MYO5B: variants seen among roughly 807,000 people sequenced by gnomAD.
The protein encoded by MYO5B is myosin VB, also known as unconventional myosin-Vb.
In MYO5B, 143 loss-of-function variants were observed where a neutral mutation model predicts 229.3. The observed-to-expected ratio is 0.62, with a 90% CI of 0.54 to 0.72. The LOEUF (loss-of-function observed/expected upper bound fraction) is 0.72. Ranked by LOEUF, MYO5B falls within the 30% of genes least tolerant of loss-of-function variation. The probability of loss-of-function intolerance (pLI) is 0.00; values close to 1 mark genes in which losing one functional copy is unlikely to be tolerated. For missense variants in MYO5B, 2,321 were observed against 2,331.0 expected (o/e 1.00, Z 0.09); for synonymous variants, 918 against 885.2 (o/e 1.04, Z -0.66).
chr18:50,038,237 A>ACTTTCCAGCCACTTTCCAGTCACTTTCC (rs2029898636), intron 3 of MYO5B, among the ~76,000 whole-genome samples: 1 of 152,204 alleles, frequency 6.6e-6, no homozygotes, highest in Non-Finnish European at 1.5e-5. Context: ...CAAAAACCAG[A>ACTTTCCAGCCACTTTCCAGTCACTTTCC]AGCCTTTCCA....
intron 27 of MYO5B, 118 bp downstream of exon 27, chr18:49,872,049 C>T: frequency 2.1e-6 from 2 of 955,976 alleles, no homozygotes; most frequent in Non-Finnish European, 3.4e-6. Flanking sequence ...AAGCTACCTG[C>T]TTACTGCTCT....
At chr18:50,001,054 C>T (rs2026041285) in intron 5 of MYO5B, among the ~76,000 whole-genome samples, 1 of 137,744 alleles carries the variant, frequency 7.3e-6, no homozygotes, top group Admixed American at 7.3e-5. Context: ...TGAGGACACT[C>T]TACCCAGTAC....
In MYO5B at chr18:49,895,025, G is replaced by T. The variant is rs1598864018; in HGVS notation, c.2961C>A (p.Ser987Arg). The part of the protein sequence containing the change: ...TSLRLQEEVE[S>R]LRTELQRAHS... ...GGGCCCTCTGCAGCTCTGTGCGCAG[G>T]CTCTCCACCTCCTCCTGCAGCCTGA... Residue 987 changes from serine to arginine, a missense_variant, in exon 22 of 40, where the codon AGC (serine) becomes AGA (arginine). Coordinates refer to ENST00000285039, the MANE Select transcript of MYO5B (RefSeq NM_001080467.3). 6.2e-7 allele frequency: 1 copy of T among 1,613,936 alleles called. No homozygotes were observed. The highest frequency in any genetic ancestry group is 1.3e-5 in the African/African-American group (1 of 75,040).
Position 50,083,568 on chromosome 18 carries a change from T to A in MYO5B, c.28-28190A>T, listed in dbSNP as rs537719374. ...ACAAAGACCCAAATATACACATTTGTCACAGGCATGCATGCTGCATGTGAC... is the reference window on the plus strand; with the variant it reads ...ACAAAGACCCAAATATACACATTTGACACAGGCATGCATGCTGCATGTGAC... On this transcript the variant is annotated intron_variant, in intron 1 of 39. Transcript: ENST00000285039. Among the ~76,000 whole-genome samples, 3 of 152,300 alleles carry A rather than the reference T, an allele frequency of 2.0e-5. No individual in the cohort carries two copies. The South Asian group carries it at 6.2e-4, about 32-fold the overall frequency.
At chr18:50,009,879 G>C (rs1208018678) in intron 4 of MYO5B, among the ~76,000 whole-genome samples, 1 of 152,214 alleles carries the variant, frequency 6.6e-6, no homozygotes, top group African/African-American at 2.4e-5. Context: ...CAGGGCACTT[G>C]TGTGAGGGGT....
intron 14 of MYO5B, among the ~76,000 whole-genome samples, chr18:49,948,414 G>T (rs992188962): frequency 4.0e-5 from 6 of 151,828 alleles, no homozygotes; most frequent in African/African-American, 9.7e-5. Flanking sequence ...ATTTTTTTTG[G>T]AAGACAACAT....
rs1393606930 is a variant in MYO5B at position 49,980,485 on chromosome 18, C to T, written c.1015G>A (p.Ala339Thr). The change falls in exon 9 of 40, where the codon GCG becomes ACG. Residue 339 changes from alanine (A) to threonine (T), a missense_variant. By Grantham distance (58) the Ala-to-Thr change is moderately conservative. Around this residue, in one of 2 missense-constraint regions of MYO5B, gnomAD observed 2,113 missense variants for 2,044.7 expected, o/e 1.03. Transcript: ENST00000285039. ...TCACCATCACGCTCAGCCTGAATCG[C>T]CACACTTCCAAGGTGCAAGATAGAA... ...IASILHLGSV[A>T]IQAERDGDSC... 1.2e-6 allele frequency: 2 copies of T among 1,613,938 alleles called. No homozygotes were observed. Among genetic ancestry groups the T allele is most frequent in the Non-Finnish European group, 1.7e-6 (2 of 1,179,888 alleles).
intron 4 of MYO5B, among the ~76,000 whole-genome samples, chr18:50,018,290 A>ATTTT (rs5824818): frequency 0.48 from 70,045 of 146,536 alleles, 17,101 homozygotes; most frequent in South Asian, 0.68. Context: ...ACATATACCC[A>ATTTT]TTTTTTTTTT....
chr18:50,069,589 C>A (rs2030903938), intron 1 of MYO5B, among the ~76,000 whole-genome samples: 2 of 152,144 alleles, frequency 1.3e-5, no homozygotes, highest in Non-Finnish European at 2.9e-5. Context: ...AGCCTGGTAC[C>A]ACTAGAAGAG....
intron 4 of MYO5B, among the ~76,000 whole-genome samples, chr18:50,004,828 C>A (rs2026084243): frequency 6.6e-6 from 1 of 152,230 alleles, no homozygotes; most frequent in Non-Finnish European, 1.5e-5. Flanking sequence ...CTACAAAGTG[C>A]AGCGTGCAGC....
At chr18:50,191,436 T>C (rs1472838148) in intron 1 of MYO5B, among the ~76,000 whole-genome samples, 1 of 152,212 alleles carries the variant, frequency 6.6e-6, no homozygotes, top group Non-Finnish European at 1.5e-5. Context: ...AAGACCTTTC[T>C]CTGGTGACAC....
intron 22 of MYO5B, among the ~76,000 whole-genome samples, chr18:49,891,784 C>G (rs942183819): frequency 2.0e-5 from 3 of 152,232 alleles, no homozygotes; most frequent in Admixed American, 6.5e-5. Context: ...TTGGAGAAAT[C>G]AAAACCTTTA....
intron 30 of MYO5B, 84 bp from the exon 31 acceptor site, chr18:49,853,731 A>T (rs758992548): frequency 1.6e-6 from 2 of 1,273,704 alleles, no homozygotes; most frequent in Non-Finnish European, 2.2e-6. Flanking sequence ...ATAACAGGGG[A>T]GCAGCCAAGC....
intron 36 of MYO5B, 64 bp from the exon 37 acceptor site, chr18:49,837,866 T>C: frequency 6.3e-7 from 1 of 1,579,990 alleles, no homozygotes; most frequent in East Asian, 2.2e-5. Flanking sequence ...ATTGGACCAC[T>C]CAAATCATTT....
In MYO5B at chr18:49,929,578, A is replaced by G. The variant is rs1598889400; in HGVS notation, c.2024T>C (p.Val675Ala). 6.2e-7 allele frequency: 1 copy of G among 1,603,360 alleles called. No homozygotes were observed. The highest frequency in any genetic ancestry group is 1.4e-5 in the African/African-American group (1 of 73,230). The change falls in exon 17 of 40, where the codon GTG (valine) becomes GCG (alanine). Residue 675 changes from valine to alanine, a missense_variant. Physicochemically the swap from Val to Ala is moderately conservative, Grantham distance 64 (BLOSUM62 0). Around this residue, in one of 2 missense-constraint regions of MYO5B, gnomAD observed 2,113 missense variants for 2,044.7 expected, o/e 1.03. Coordinates refer to ENST00000285039, the MANE Select transcript of MYO5B (RefSeq NM_001080467.3). ...LPFHFDPKRA[V>A]QQLRACGVLE... is the part of the protein sequence containing the mutation. Reference sequence around the variant, plus strand: ...CACCCCGCAGGCTCTGAGTTGCTGCACTGCTCTCTTTGGGTCAAAGCTGCC... The same window carrying G: ...CACCCCGCAGGCTCTGAGTTGCTGCGCTGCTCTCTTTGGGTCAAAGCTGCC...
chr18:50,030,520 C>G (rs946106855), intron 4 of MYO5B, among the ~76,000 whole-genome samples: 1 of 147,394 alleles, frequency 6.8e-6, no homozygotes, highest in Non-Finnish European at 1.5e-5. Context: ...TCTACATGCT[C>G]TTCACACTTA....
chr18:50,190,919 A>C (rs2033217749), intron 1 of MYO5B, among the ~76,000 whole-genome samples: 1 of 152,246 alleles, frequency 6.6e-6, no homozygotes, highest in Non-Finnish European at 1.5e-5. Context: ...AATTATTTCC[A>C]TCATACATAA....
Position 50,177,672 on chromosome 18 carries a change from C to G in MYO5B, c.27+17095G>C, listed in dbSNP as rs115121354. Among the ~76,000 whole-genome samples, 353 of 152,350 alleles carry G rather than the reference C, an allele frequency of 2.3e-3. 3 individuals are homozygous for G. Among genetic ancestry groups the G allele is most frequent in the African/African-American group, 8.2e-3 (341 of 41,568 alleles). ...TTTTAACTGCTCAGAGAGAACTGCT[C>G]TGAAGGCTGAAAGCCCCCAAATGAT... On this transcript the variant is annotated intron_variant, in intron 1 of 39. Coordinates refer to ENST00000285039, the MANE Select transcript of MYO5B (RefSeq NM_001080467.3).
chr18:49,864,616 C>T (rs138310455), intron 27 of MYO5B, among the ~76,000 whole-genome samples: 1 of 152,360 alleles, frequency 6.6e-6, no homozygotes, highest in Non-Finnish European at 1.5e-5. Flanking sequence ...GAGCGGCAGT[C>T]TCCAAAGTGA....
Sources: allele counts gnomAD v4.1 joint callset (sites outside exome capture counted in the v4.1 genomes callset), GRCh38; gene constraint gnomAD v4.1.1; regional missense constraint gnomAD v4.1.1; transcripts MANE v1.5; gene names NCBI Gene and HGNC (gene_info 2026-07-23, HGNC 2026-07-21).